Variants in NEBL observed in about 807,000 individuals in gnomAD.
NEBL encodes the protein LIM and SH3 protein 2.
NEBL carries 122 observed loss-of-function variants against 140.2 expected under a neutral mutation model. The ratio of observed to expected loss-of-function variants is 0.87; its 90% CI spans 0.75 to 1.01. The LOEUF (loss-of-function observed/expected upper bound fraction) is 1.01. NEBL is among the 50% of genes least tolerant of loss of function. NEBL has a pLI of 0.00. For synonymous variants in NEBL, 436 were observed against 398.9 expected (o/e 1.09, Z -1.11); for missense variants, 1,365 against 1,231.3 (o/e 1.11, Z -1.62).
At chr10:21,235,677 A>AT (rs1460196157) in intron 3 of NEBL, among the ~76,000 whole-genome samples, 1 of 152,240 alleles carries the variant, frequency 6.6e-6, no homozygotes, top group Non-Finnish European at 1.5e-5. Context: ...GGCATAAGTC[A>AT]TTGGGGGCAG....
At chr10:21,134,849 G>A (rs772299261) in intron 2 of NEBL, among the ~76,000 whole-genome samples, 5 of 152,142 alleles carry the variant, frequency 3.3e-5, no homozygotes, top group African/African-American at 9.7e-5. Context: ...TGGAAGGTAC[G>A]CTACTCTGCA....
chr10:21,053,100 T>C (rs1834849296), intron 2 of NEBL, among the ~76,000 whole-genome samples: 1 of 152,154 alleles, frequency 6.6e-6, no homozygotes, highest in Non-Finnish European at 1.5e-5. Flanking sequence ...TATCAAAATA[T>C]CACATGCCCC....
In NEBL at chr10:21,173,747, C is replaced by A. The variant is rs529979044; in HGVS notation, c.69+18G>T. On this transcript the variant is annotated intron_variant, in intron 1 of 6. Transcript: ENST00000417816. The surrounding 1 kb of genome is among the most constrained non-coding windows in gnomAD (Gnocchi z 5.7). Reference sequence around the variant, plus strand: ...CTCGCCCGGCAGGTCCAGGCTGGCCCGGCGCCCCCTCGCTCACCTTATCCA... The same window carrying A: ...CTCGCCCGGCAGGTCCAGGCTGGCCAGGCGCCCCCTCGCTCACCTTATCCA... The A allele has an allele frequency of 6.2e-7, 1 of 1,612,664 alleles. No individual in the cohort carries two copies. The highest frequency in any genetic ancestry group is 1.1e-5 in the South Asian group (1 of 91,084).
At chr10:20,797,462 C>T (rs1836663787) in intron 26 of NEBL, among the ~76,000 whole-genome samples, 1 of 152,148 alleles carries the variant, frequency 6.6e-6, no homozygotes, top group African/African-American at 2.4e-5. Flanking sequence ...CATAAATAGA[C>T]ATATCTTGGT....
At chr10:20,935,914 T>A (rs1337242997) in intron 4 of NEBL, among the ~76,000 whole-genome samples, 1 of 152,160 alleles carries the variant, frequency 6.6e-6, no homozygotes, top group Non-Finnish European at 1.5e-5. Flanking sequence ...AGAAAAAAAT[T>A]GCAGCACTAT....
intron 5 of NEBL, among the ~76,000 whole-genome samples, chr10:20,877,919 T>C (rs561365893): frequency 1.3e-5 from 2 of 152,328 alleles, no homozygotes; most frequent in Admixed American, 1.3e-4. Context: ...TCTCTTTCTT[T>C]TGCCTAGTAA....
intron 2 of NEBL, chr10:21,030,614 C>T (rs1322142011): frequency 5.1e-6 from 3 of 582,948 alleles, no homozygotes; most frequent in South Asian, 3.0e-5. Context: ...CCAGCTCAAC[C>T]GTCTGAGAAA....
At chr10:21,057,542 C>CTTTTTTTTT (rs5783764) in intron 2 of NEBL, among the ~76,000 whole-genome samples, 2 of 71,726 alleles carry the variant, frequency 2.8e-5, no homozygotes, top group African/African-American at 5.9e-5. Context: ...AATGAAATTC[C>CTTTTTTTTT]TTTTTTTTTT....
chr10:20,834,704 C>T (rs746633478), intron 14 of NEBL, among the ~76,000 whole-genome samples: 2 of 152,226 alleles, frequency 1.3e-5, no homozygotes, highest in Admixed American at 6.5e-5. Context: ...ACCCCTTCAC[C>T]TGCACCCCGA....
chr10:21,266,070 G>A (rs979897990), intron 1 of NEBL, among the ~76,000 whole-genome samples: 4 of 152,052 alleles, frequency 2.6e-5, no homozygotes, highest in Admixed American at 6.6e-5. Flanking sequence ...AAAGCCCCTC[G>A]ATCCTGCTGC....
At chr10:20,944,142 G>GT (rs1307108303) in intron 4 of NEBL, among the ~76,000 whole-genome samples, 1 of 152,232 alleles carries the variant, frequency 6.6e-6, no homozygotes, top group African/African-American at 2.4e-5. Context: ...CTCAATGCCT[G>GT]TAATCCCAGC....
At chr10:21,235,197 G>A (rs556600767) in intron 3 of NEBL, among the ~76,000 whole-genome samples, 1 of 152,122 alleles carries the variant, frequency 6.6e-6, no homozygotes, top group Non-Finnish European at 1.5e-5. Context: ...TCGGGAAGCT[G>A]AAGCGGGAGG....
At chr10:21,231,971 A>G (rs1187423148) in intron 3 of NEBL, among the ~76,000 whole-genome samples, 2 of 152,144 alleles carry the variant, frequency 1.3e-5, no homozygotes, top group African/African-American at 4.8e-5. Context: ...ACTGATCAGC[A>G]TTAGTGTTAA....
chr10:21,172,300 T>C (rs1442975820), intron 2 of NEBL: 13 of 1,055,472 alleles, frequency 1.2e-5, no homozygotes, highest in Non-Finnish European at 1.9e-5. Flanking sequence ...ACACAGTGAG[T>C]CAGTTCTTCA....
chr10:21,178,928 A>T (rs926640211), upstream of NEBL, among the ~76,000 whole-genome samples: 15 of 152,202 alleles, frequency 9.9e-5, no homozygotes, highest in African/African-American at 3.4e-4. Flanking sequence ...TGGCAGGCAA[A>T]ATAATCCACT....
At chr10:20,878,581 T>A (rs1361724018) in intron 5 of NEBL, among the ~76,000 whole-genome samples, 4 of 152,230 alleles carry the variant, frequency 2.6e-5, no homozygotes, top group Admixed American at 2.6e-4. Context: ...AAATTTCATA[T>A]TGTAGGGACA....
intron 3 of NEBL, among the ~76,000 whole-genome samples, chr10:21,013,657 C>G (rs1171971067): frequency 6.6e-6 from 1 of 152,178 alleles, no homozygotes; most frequent in Non-Finnish European, 1.5e-5. Flanking sequence ...GTGGGTAGAT[C>G]ACTTGAGGTC....
At chr10:21,240,012 C>T (rs945272397) in intron 3 of NEBL, among the ~76,000 whole-genome samples, 7 of 149,784 alleles carry the variant, frequency 4.7e-5, no homozygotes, top group Non-Finnish European at 8.9e-5. Context: ...CGAGACTCTG[C>T]CTCAAAAAAA....
In NEBL at chr10:20,815,659, T is replaced by C. The variant is rs1336651474; in HGVS notation, c.2207A>G (p.Glu736Gly). The C allele has an allele frequency of 1.9e-6, 3 of 1,613,034 alleles. No individual in the cohort carries two copies. The highest frequency in any genetic ancestry group is 8.5e-7 in the Non-Finnish European group (1 of 1,179,078). ...ATTTTCTTGATTCTTCTTCACTCTT[T>C]CCATTTCAGGAGTTACACTTAAAGT... Reference protein sequence around the residue: ...ATTLSVTPEMERVKKNQENIS... With the variant: ...ATTLSVTPEMGRVKKNQENIS... The change falls in exon 22 of 28, where the codon GAA (glutamate) becomes GGA (glycine). Residue 736 changes from glutamate (E) to glycine (G), a missense_variant. Glu to Gly is a moderately conservative substitution (Grantham distance 98). Transcript: ENST00000377122.
Sources: allele counts gnomAD v4.1 joint callset (sites outside exome capture counted in the v4.1 genomes callset), GRCh38; gene constraint gnomAD v4.1.1; non-coding constraint Gnocchi (gnomAD v3.1); transcripts MANE v1.5; gene names NCBI Gene and HGNC (gene_info 2026-07-23, HGNC 2026-07-21).